Variants in DCHS2 observed in about 807,000 individuals in gnomAD.
DCHS2 encodes protocadherin-23.
DCHS2 carries 142 observed loss-of-function variants against 182.4 expected under a neutral mutation model. The observed-to-expected ratio is 0.78, with a 90% CI of 0.68 to 0.89. The LOEUF (loss-of-function observed/expected upper bound fraction) is 0.89. Ranked by LOEUF, DCHS2 falls within the 40% of genes least tolerant of loss-of-function variation. The pLI is 0.00. For synonymous variants in DCHS2, 1,740 were observed against 1,663.3 expected (o/e 1.05, Z -1.12); for missense variants, 4,319 against 4,198.6 (o/e 1.03, Z -0.79).
At chr4:154,281,279 G>A (rs1734133668) in intron 13 of DCHS2, among the ~76,000 whole-genome samples, 2 of 152,126 alleles carry the variant, frequency 1.3e-5, no homozygotes, top group African/African-American at 2.4e-5. Flanking sequence ...AATCCTGTAT[G>A]TGTAAAACCC....
rs778489677 is a variant in DCHS2 at position 154,489,378 on chromosome 4, C to T, written c.1978G>A (p.Glu660Lys). Residue 660 changes from glutamate to lysine, a missense_variant, in exon 1 of 20, where the codon GAG becomes AAG. By Grantham distance (56) the Glu-to-Lys change is moderately conservative. Coordinates refer to ENST00000357232, the MANE Select transcript of DCHS2 (RefSeq NM_001358235.2). ...SITVDDVNDN[E>K]PIFWRQVYNA... ...TACACCTGCCTCCAGAAGATGGGCT[C>T]ATTGTCATTCACATCATCTACGGTG... 1.0e-5 allele frequency: 16 copies of T among 1,551,286 alleles called. No homozygotes were observed. The highest frequency in any genetic ancestry group is 2.4e-5 in the East Asian group (1 of 40,890).
chr4:154,375,206 A>G (rs186626288), intron 2 of DCHS2, among the ~76,000 whole-genome samples: 32 of 152,298 alleles, frequency 2.1e-4, no homozygotes, highest in Admixed American at 2.6e-4. Flanking sequence ...AGGTAAAACA[A>G]AACAAAAGTT....
intron 13 of DCHS2, among the ~76,000 whole-genome samples, chr4:154,276,561 TTGA>T (rs1214857760): frequency 6.6e-6 from 1 of 152,230 alleles, no homozygotes; most frequent in African/African-American, 2.4e-5. Flanking sequence ...CATTTTCTTA[TTGA>T]TGACTGACTT....
chr4:154,456,763 T>C (rs1003289426), intron 1 of DCHS2, among the ~76,000 whole-genome samples: 2 of 152,174 alleles, frequency 1.3e-5, no homozygotes, highest in African/African-American at 2.4e-5. Flanking sequence ...GTAAAGGGCA[T>C]GAGGTTAGTA....
intron 2 of DCHS2, 39 bp from the exon 3 acceptor site, chr4:154,366,480 G>A (rs755984159): frequency 2.1e-5 from 29 of 1,362,852 alleles, no homozygotes; most frequent in Middle Eastern, 1.8e-4. Context: ...ATGGGTTTTT[G>A]CTGAACACTA....
At chr4:154,251,518 T>TTTTC (rs1416602679) in intron 16 of DCHS2, among the ~76,000 whole-genome samples, 17 of 152,136 alleles carry the variant, frequency 1.1e-4, no homozygotes, top group Admixed American at 1.1e-3. Context: ...TAGGACTTGA[T>TTTTC]TTTCTTTTTC....
chr4:154,261,506 C>A (rs933550233), intron 14 of DCHS2, among the ~76,000 whole-genome samples: 1 of 152,092 alleles, frequency 6.6e-6, no homozygotes, highest in African/African-American at 2.4e-5. Flanking sequence ...GTAACTATGG[C>A]CTGGGAGCTG....
At chr4:154,264,608 T>C (rs1733155349) in intron 14 of DCHS2, among the ~76,000 whole-genome samples, 1 of 152,196 alleles carries the variant, frequency 6.6e-6, no homozygotes, top group South Asian at 2.1e-4. Context: ...GACAATGGGA[T>C]GCCAGAAGCC....
At chr4:154,396,641 C>T (rs1204811777) in intron 1 of DCHS2, among the ~76,000 whole-genome samples, 1 of 152,092 alleles carries the variant, frequency 6.6e-6, no homozygotes, top group South Asian at 2.1e-4. Flanking sequence ...TTATTTTTTG[C>T]AATGCCTGTT....
At chr4:154,252,048 T>TATC (rs1235582533) in intron 16 of DCHS2, among the ~76,000 whole-genome samples, 1 of 151,774 alleles carries the variant, frequency 6.6e-6, no homozygotes, top group East Asian at 1.9e-4. Flanking sequence ...TGACTGATAC[T>TATC]ATCTCCCTTT....
chr4:154,310,310 T>G (rs1192479764), intron 10 of DCHS2, among the ~76,000 whole-genome samples: 1 of 152,210 alleles, frequency 6.6e-6, no homozygotes, highest in Non-Finnish European at 1.5e-5. Context: ...TAGACAATAT[T>G]GATACTGTTT....
At position 154,235,371 on chromosome 4, in the gene DCHS2, TG is replaced by T. The variant is rs1731418828; in HGVS notation, c.9280del (p.His3094ThrfsTer17). ...TGCAGTTTCTCCTTCCACAGAACAG[TG>T]GCCACTGGAGTTTGAGTGTCTGTAC... The part of the protein sequence containing the change: ...NLYRHSNSSG[H>X]CSVEGETAED... On this transcript the variant is annotated frameshift_variant, in exon 20 of 20. Coordinates refer to ENST00000357232, the MANE Select transcript of DCHS2 (RefSeq NM_001358235.2). LOFTEE classifies it low-confidence loss of function (END_TRUNC). 1.2e-6 allele frequency: 2 copies of T among 1,614,072 alleles called. No homozygotes were observed. Among genetic ancestry groups the T allele is most frequent in the African/African-American group, 1.3e-5 (1 of 75,038 alleles).
At chr4:154,326,584 T>C (rs1736292449) in intron 7 of DCHS2, among the ~76,000 whole-genome samples, 1 of 152,206 alleles carries the variant, frequency 6.6e-6, no homozygotes, top group African/African-American at 2.4e-5. Context: ...TTAATAAGAC[T>C]CATCTTTGAT....
intron 3 of DCHS2, among the ~76,000 whole-genome samples, chr4:154,338,417 A>G (rs1728913140): frequency 6.6e-6 from 1 of 152,188 alleles, no homozygotes; most frequent in African/African-American, 2.4e-5. Flanking sequence ...AATACTACCT[A>G]AAATCACTAA....
chr4:154,361,778 C>G (rs778785454), intron 3 of DCHS2, among the ~76,000 whole-genome samples: 1 of 152,084 alleles, frequency 6.6e-6, no homozygotes, highest in Non-Finnish European at 1.5e-5. Flanking sequence ...AAACATTTTT[C>G]ATACCAGATG....
In DCHS2 at chr4:154,333,380, T is replaced by G; in HGVS notation, c.2828A>C (p.Gln943Pro). The change falls in exon 5 of 20, where the codon CAG becomes CCG. Residue 943 changes from glutamine (Q) to proline (P), a missense_variant. By Grantham distance (76) the Gln-to-Pro change is moderately conservative. Coordinates refer to ENST00000357232, the MANE Select transcript of DCHS2 (RefSeq NM_001358235.2). ...CTGCACCGTGAGCACAACCACGGGCTGCGTCTCGTGATCCAGGGGCTTCCG... is the reference window on the plus strand; with the variant it reads ...CTGCACCGTGAGCACAACCACGGGCGGCGTCTCGTGATCCAGGGGCTTCCG... ...RTRKPLDHET[Q>P]PVVVLTVQAQ... The G allele has an allele frequency of 3.1e-6, 5 of 1,614,154 alleles. No homozygotes were observed. Among genetic ancestry groups the G allele is most frequent in the Non-Finnish European group, 4.2e-6 (5 of 1,180,030 alleles).
intron 3 of DCHS2, among the ~76,000 whole-genome samples, chr4:154,362,791 G>C (rs1307550681): frequency 6.6e-6 from 1 of 151,980 alleles, no homozygotes; most frequent in Non-Finnish European, 1.5e-5. Context: ...TGAGGATGAA[G>C]ACCTTTACTT....
At chr4:154,331,479 A>C in intron 5 of DCHS2, 1 of 1,302,544 alleles carries the variant, frequency 7.7e-7, no homozygotes, top group Non-Finnish European at 1.1e-6. Context: ...CCCTTGCAGC[A>C]GGAGTCTCAG....
At chr4:154,466,333 C>A (rs898469955) in intron 1 of DCHS2, among the ~76,000 whole-genome samples, 2 of 152,122 alleles carry the variant, frequency 1.3e-5, no homozygotes, top group East Asian at 3.8e-4. Context: ...AAGGTGGTAG[C>A]CGCATATCAG....
Sources: allele counts gnomAD v4.1 joint callset (sites outside exome capture counted in the v4.1 genomes callset), GRCh38; gene constraint gnomAD v4.1.1; transcripts MANE v1.5; gene names NCBI Gene and HGNC (gene_info 2026-07-23, HGNC 2026-07-21).